MARCHF3: variants seen among roughly 807,000 people sequenced by gnomAD.
MARCHF3 encodes E3 ubiquitin-protein ligase MARCHF3.
Under a neutral mutation model 24.2 loss-of-function variants are expected in MARCHF3, and 13 were observed. The observed-to-expected ratio is 0.54, with a 90% CI of 0.35 to 0.85. The LOEUF is 0.85. Among genes scored for constraint, MARCHF3 ranks in the 40% least tolerant of loss-of-function variants. The pLI, the probability that MARCHF3 is intolerant of heterozygous loss-of-function variation, is 0.01. For missense variants in MARCHF3, 276 were observed against 325.0 expected (o/e 0.85, Z 1.16); for synonymous variants, 144 against 137.3 (o/e 1.05, Z -0.34).
At chr5:126,919,427 C>A (rs1345571529) in intron 1 of MARCHF3, among the ~76,000 whole-genome samples, 1 of 152,150 alleles carries the variant, frequency 6.6e-6, no homozygotes, top group East Asian at 1.9e-4. Flanking sequence ...CATCAAGAAC[C>A]CATTTAGGTG....
rs182151576 is a variant in MARCHF3, at chr5:126,910,497, C to T, written c.393+4433G>A. ...ATTGTGAGAAGTCAGGGACCCTGAACGGAGGGACCGGCTGAAGCCATGGCA... is the reference window on the plus strand; with the variant it reads ...ATTGTGAGAAGTCAGGGACCCTGAATGGAGGGACCGGCTGAAGCCATGGCA... On this transcript the variant is annotated intron_variant, in intron 3 of 4. Coordinates refer to ENST00000308660, the MANE Select transcript of MARCHF3 (RefSeq NM_178450.5). Among the ~76,000 whole-genome samples, 259 of 152,336 alleles carry T rather than the reference C, an allele frequency of 1.7e-3. 1 individual carries two copies. The highest frequency in any genetic ancestry group is 5.5e-3 in the African/African-American group (230 of 41,582).
At chr5:126,943,082 T>C (rs1473488261) in intron 1 of MARCHF3, among the ~76,000 whole-genome samples, 1 of 152,106 alleles carries the variant, frequency 6.6e-6, no homozygotes, top group African/African-American at 2.4e-5. Flanking sequence ...GGTCAGGAGT[T>C]CAAGACAATT....
chr5:126,943,603 A>G (rs2126811021), intron 1 of MARCHF3, among the ~76,000 whole-genome samples: 1 of 151,906 alleles, frequency 6.6e-6, no homozygotes, highest in Non-Finnish European at 1.5e-5. Context: ...AAAACCCCTC[A>G]AAATATTAAA....
At chr5:126,921,444 C>A (rs560971282) in intron 1 of MARCHF3, among the ~76,000 whole-genome samples, 12 of 152,116 alleles carry the variant, frequency 7.9e-5, no homozygotes, top group Admixed American at 2.0e-4. Flanking sequence ...AAGCTGCATG[C>A]ACCAACTGGC....
At chr5:126,899,120 C>T (rs916774246) in intron 3 of MARCHF3, 49 of 985,214 alleles carry the variant, frequency 5.0e-5, no homozygotes, top group Non-Finnish European at 5.4e-5. Context: ...CCCAAACAAT[C>T]TCACAGCGTT....
intron 1 of MARCHF3, among the ~76,000 whole-genome samples, chr5:126,968,007 A>G (rs1750874639): frequency 1.3e-5 from 2 of 152,184 alleles, no homozygotes; most frequent in East Asian, 1.9e-4. Context: ...GCAACCACTA[A>G]TCAACTTTGT....
chr5:126,921,450 C>G (rs1749104869), intron 1 of MARCHF3, among the ~76,000 whole-genome samples: 1 of 152,118 alleles, frequency 6.6e-6, no homozygotes, highest in South Asian at 2.1e-4. Flanking sequence ...CATGCACCAA[C>G]TGGCATGCAT....
intron 1 of MARCHF3, among the ~76,000 whole-genome samples, chr5:126,921,812 A>T (rs926626652): frequency 3.9e-5 from 6 of 152,180 alleles, no homozygotes; most frequent in Admixed American, 6.5e-5. Flanking sequence ...TCTCAGGCTG[A>T]GAATAAAACA....
chr5:126,888,541 T>C (rs1753571163), intron 3 of MARCHF3, among the ~76,000 whole-genome samples: 1 of 152,198 alleles, frequency 6.6e-6, no homozygotes, highest in Non-Finnish European at 1.5e-5. Flanking sequence ...TTATTTTAGA[T>C]CATTACAGCA....
rs115763226 is a variant in MARCHF3, at chr5:126,944,811, T to C, written c.-56-26584A>G. ...AAATAACACCTGTCCTTGTAATCTT[T>C]CTGCTGACATGATCAAATGCACAAT... On this transcript the variant is annotated intron_variant, in intron 1 of 4. Coordinates refer to ENST00000308660, the MANE Select transcript of MARCHF3 (RefSeq NM_178450.5). Among the ~76,000 whole-genome samples the C allele has an allele frequency of 2.6e-3, 393 of 152,314 alleles. 3 individuals carry two copies. The highest frequency in any genetic ancestry group is 9.1e-3 in the African/African-American group (377 of 41,574).
At chr5:126,884,443 C>A (rs368534634) in intron 3 of MARCHF3, among the ~76,000 whole-genome samples, 21 of 152,310 alleles carry the variant, frequency 1.4e-4, no homozygotes, top group East Asian at 1.2e-3. Context: ...ATGCTTTGGC[C>A]TCTCTCCAAA....
chr5:126,929,244 G>A (rs1231658522), intron 1 of MARCHF3, among the ~76,000 whole-genome samples: 2 of 152,030 alleles, frequency 1.3e-5, no homozygotes, highest in South Asian at 4.1e-4. Flanking sequence ...TCTCTTTCCT[G>A]TATTTTCTGG....
chr5:126,969,921 C>T (rs1316894983), intron 1 of MARCHF3, among the ~76,000 whole-genome samples: 8 of 152,090 alleles, frequency 5.3e-5, no homozygotes, highest in African/African-American at 1.9e-4. Flanking sequence ...AAACATTGAC[C>T]AAGCAAACAT....
intron 3 of MARCHF3, among the ~76,000 whole-genome samples, chr5:126,884,977 C>T (rs1284636254): frequency 6.6e-6 from 1 of 152,212 alleles, no homozygotes; most frequent in Non-Finnish European, 1.5e-5. Flanking sequence ...CTACCAGTTC[C>T]CATGTCTCCT....
chr5:126,969,325 T>C (rs1439027392), intron 1 of MARCHF3, among the ~76,000 whole-genome samples: 1 of 152,212 alleles, frequency 6.6e-6, no homozygotes, highest in East Asian at 1.9e-4. Flanking sequence ...TAGGGTTTTT[T>C]GCTCTTTTGC....
At chr5:126,977,512 A>G (rs1211935028) in intron 1 of MARCHF3, among the ~76,000 whole-genome samples, 1 of 152,220 alleles carries the variant, frequency 6.6e-6, no homozygotes, top group Non-Finnish European at 1.5e-5. Context: ...TAAGGTAAAC[A>G]AACATAAAAA....
chr5:126,929,092 C>T (rs898290527), intron 1 of MARCHF3, among the ~76,000 whole-genome samples: 2 of 152,180 alleles, frequency 1.3e-5, no homozygotes, highest in African/African-American at 4.8e-5. Context: ...CATCGTATGT[C>T]CCTCTCAGTC....
At chr5:126,999,036 T>C (rs1016250622) in intron 1 of MARCHF3, among the ~76,000 whole-genome samples, 2 of 152,220 alleles carry the variant, frequency 1.3e-5, no homozygotes, top group Admixed American at 1.3e-4. Flanking sequence ...AACCAACTTA[T>C]TGTACTTTAC....
chr5:126,964,854 T>C (rs1750752297), intron 1 of MARCHF3, among the ~76,000 whole-genome samples: 2 of 152,106 alleles, frequency 1.3e-5, no homozygotes, highest in South Asian at 4.1e-4. Flanking sequence ...TCTGGGCAAG[T>C]GAGCAAGACT....
Sources: gnomAD v4.1 joint callset for allele counts (sites outside exome capture counted in the v4.1 genomes callset) on GRCh38, gnomAD v4.1.1 for gene constraint, MANE v1.5 for transcripts, NCBI Gene and HGNC (gene_info 2026-07-23, HGNC 2026-07-21) for gene names.